ZDBF2: variants seen among roughly 807,000 people sequenced by gnomAD.
ZDBF2 encodes DBF4-type zinc finger-containing protein 2.
ZDBF2 carries 6 observed loss-of-function variants against 9.4 expected under a neutral mutation model. That is an observed-to-expected ratio of 0.64 (90% CI 0.35 to 1.27). The LOEUF is 1.27. ZDBF2 is among the 50% of genes most tolerant of loss of function. ZDBF2 has a pLI of 0.03. For missense variants in ZDBF2, 2,697 were observed against 2,766.8 expected (o/e 0.97, Z 0.57); for synonymous variants, 905 against 946.3 (o/e 0.96, Z 0.80).
chr2:206,307,395 C>T lies in ZDBF2; in HGVS notation c.2867C>T (p.Thr956Ile), dbSNP rs377460663. 1 of 1,612,740 alleles carries T rather than the reference C, an allele frequency of 6.2e-7. No individual in the cohort carries two copies. Among genetic ancestry groups the T allele is most frequent in the African/African-American group, 1.3e-5 (1 of 74,860 alleles). Residue 956 changes from threonine to isoleucine, a missense_variant, in exon 5 of 5, where the codon ACA (threonine) becomes ATA (isoleucine). Thr to Ile is a moderately conservative substitution (Grantham distance 89). This residue lies in a region of ZDBF2 where 1,783 missense variants were observed against 1,776.5 expected (regional missense o/e 1.00). Coordinates refer to ENST00000374423, the MANE Select transcript of ZDBF2 (RefSeq NM_020923.3). ...TTAGAAAATAAGAGTGTTTTTGAAA[C>T]AAGTTTGGATTCTGATGTCCCTCTT... ...MYLENKSVFETSLDSDVPLQA... is the reference protein window; with the variant it reads ...MYLENKSVFEISLDSDVPLQA...
chr2:206,301,806 A>G (rs1574409818), intron 4 of ZDBF2, among the ~76,000 whole-genome samples: 1 of 151,444 alleles, frequency 6.6e-6, no homozygotes, highest in Non-Finnish European at 1.5e-5. Context: ...TATTTCGTCT[A>G]CCTTTTTATG....
In ZDBF2 at chr2:206,308,152, G is replaced by A; in HGVS notation, c.3624G>A (p.Gln1208=). 2 of 1,613,956 alleles carry A rather than the reference G, an allele frequency of 1.2e-6. No homozygotes were observed. The highest frequency in any genetic ancestry group is 1.7e-6 in the Non-Finnish European group (2 of 1,179,850). Residue 1208 remains glutamine, a synonymous_variant, in exon 5 of 5, where the codon CAG becomes CAA. Transcript: ENST00000374423. ...EVSFDSDDPL[Q]SVADRLRETV... ...GTTTTGATTCTGATGACCCTCTTCA[G>A]TCAGTGGCTGACCGGCTGAGAGAAA...
chr2:206,304,057 A>T (rs1007642974), intron 4 of ZDBF2, among the ~76,000 whole-genome samples: 3 of 152,184 alleles, frequency 2.0e-5, no homozygotes, highest in African/African-American at 7.2e-5. Context: ...GAGAAAACCA[A>T]AAGTGGAATT....
intron 3 of ZDBF2, among the ~76,000 whole-genome samples, chr2:206,284,124 CT>C (rs1438728120): frequency 6.6e-6 from 1 of 150,648 alleles, no homozygotes. Flanking sequence ...ACATTTAGGT[CT>C]TTTATCTGTT....
rs1004002037 is a variant in ZDBF2 at position 206,274,943 on chromosome 2, G to A, written c.-106G>A. On this transcript the variant is annotated 5_prime_UTR_variant, in exon 1 of 5. Transcript: ENST00000374423. ...CGGAAGGAATCCGGGCAGCCTCCGCGGAGGTGAGTGCCGCGGCGGGGGCGG... is the reference window on the plus strand; with the variant it reads ...CGGAAGGAATCCGGGCAGCCTCCGCAGAGGTGAGTGCCGCGGCGGGGGCGG... 3.3e-5 allele frequency: 5 copies of A among 150,796 alleles called. No individual in the cohort carries two copies. Among genetic ancestry groups the A allele is most frequent in the African/African-American group, 1.2e-4 (5 of 41,368 alleles). 9.3% of individuals were successfully genotyped at this position (150,796 alleles called of 1,614,324 possible).
rs373924506 is a variant in ZDBF2, at chr2:206,279,494, C to T, written c.-102-46C>T. 41 of 152,216 alleles carry T rather than the reference C, an allele frequency of 2.7e-4. 1 individual carries two copies. Among genetic ancestry groups the T allele is most frequent in the African/African-American group, 9.9e-4 (41 of 41,512 alleles). 9.4% of individuals were successfully genotyped at this position (152,216 alleles called of 1,614,324 possible). On this transcript the variant is annotated intron_variant, in intron 1 of 4. Coordinates refer to ENST00000374423, the MANE Select transcript of ZDBF2 (RefSeq NM_020923.3). ...ATGTATTTATTTGGTCAATGGTAGA[C>T]ACTTATGGGACCTCTTCTAAAAAAT...
intron 1 of ZDBF2, among the ~76,000 whole-genome samples, chr2:206,275,203 C>T (rs1404116088): frequency 6.6e-6 from 1 of 152,148 alleles, no homozygotes; most frequent in Non-Finnish European, 1.5e-5. Context: ...CTGCATTGCG[C>T]TTCTGTCCGG....
chr2:206,304,688 G>A lies in ZDBF2; in HGVS notation c.189-29G>A, dbSNP rs768042985. 6.4e-6 allele frequency: 10 copies of A among 1,569,642 alleles called. No individual in the cohort carries two copies. The East Asian group carries it at 2.0e-4, about 32-fold the overall frequency. ...ATATTTTAAACAGACATTAGAATAT[G>A]TTTATGAGTTTCCCCCCTTTCGTTT... On this transcript the variant is annotated intron_variant, in intron 4 of 4. Transcript: ENST00000374423.
intron 3 of ZDBF2, among the ~76,000 whole-genome samples, chr2:206,291,184 G>A (rs1691875155): frequency 6.6e-6 from 1 of 152,172 alleles, no homozygotes. Context: ...ACCAGGGACT[G>A]GTTTCGTGGA....
At chr2:206,295,363 C>CTTTTTTTTTT (rs571707187) in intron 3 of ZDBF2, among the ~76,000 whole-genome samples, 42 of 110,944 alleles carry the variant, frequency 3.8e-4, no homozygotes, top group African/African-American at 4.7e-4. Flanking sequence ...CTTTTCTTTT[C>CTTTTTTTTTT]TTTTTTTTTT....
intron 2 of ZDBF2, among the ~76,000 whole-genome samples, chr2:206,280,178 A>G (rs1449712024): frequency 6.6e-6 from 1 of 152,170 alleles, no homozygotes; most frequent in South Asian, 2.1e-4. Context: ...TGATTTGCTA[A>G]GTTTCTGATG....
Position 206,274,787 on chromosome 2 carries a change from C to G in ZDBF2, c.-262C>G, listed in dbSNP as rs1168918226. The G allele has an allele frequency of 6.6e-6, 1 of 152,186 alleles. No homozygotes were observed. Among genetic ancestry groups the G allele is most frequent in the Non-Finnish European group, 1.5e-5 (1 of 68,028 alleles). The allele number at this position is 152,186 out of a possible 1,614,324, so 9.4% of individuals were successfully genotyped here. On this transcript the variant is annotated 5_prime_UTR_variant, in exon 1 of 5. Transcript: ENST00000374423. ...CTTCTCGCCTCCGGACCGCAGGGGC[C>G]GAAGTCGCCTATTTCTGGCTCCGCG...
In ZDBF2 at chr2:206,281,873, C is replaced by T. The variant is rs1230640394; in HGVS notation, c.24C>T (p.Cys8=). 6.2e-7 allele frequency: 1 copy of T among 1,613,354 alleles called. No homozygotes were observed. The highest frequency in any genetic ancestry group is 1.1e-5 in the South Asian group (1 of 90,984). ...AGATGCAGAAAAGACAAGGATATTG[C>T]AGTTATTGCCGTGTGCAGTATAATA... MQKRQGY[C]SYCRVQYNNL... The change falls in exon 3 of 5, where the codon TGC becomes TGT. Residue 8 remains cysteine, a synonymous_variant. Transcript: ENST00000374423.
Position 206,311,279 on chromosome 2 carries a change from A to T in ZDBF2, c.6751A>T (p.Lys2251Ter), listed in dbSNP as rs777829318. 6.2e-7 allele frequency: 1 copy of T among 1,609,418 alleles called. No individual in the cohort carries two copies. The highest frequency in any genetic ancestry group is 8.5e-7 in the Non-Finnish European group (1 of 1,177,298). ...RSAFLGRYLK[K>*]KKSVVSRLKK... is the part of the protein sequence containing the mutation. ...CGCTTTTCTTGGAAGGTATCTGAAG[A>T]AGAAAAAATCTGTTGTCAGTAGGCT... The change falls in exon 5 of 5, where the codon AAG (lysine) becomes TAG (stop). Residue 2251 changes from lysine (K) to a stop codon, truncating the protein, a stop_gained. Transcript: ENST00000374423. LOFTEE classifies it low-confidence loss of function (END_TRUNC).
Position 206,304,945 on chromosome 2 carries a change from A to G in ZDBF2, c.417A>G (p.Gln139=), listed in dbSNP as rs773440117. The change falls in exon 5 of 5, where the codon CAA becomes CAG. Residue 139 remains glutamine, a synonymous_variant. Coordinates refer to ENST00000374423, the MANE Select transcript of ZDBF2 (RefSeq NM_020923.3). ...QEVSVRPSVI[Q]KLEKGQQQPL... ...TTTCAGTTCGACCATCAGTTATTCA[A>G]AAACTGGAGAAGGGACAGCAGCAGC... 1.2e-6 allele frequency: 2 copies of G among 1,613,650 alleles called. No homozygotes were observed. The highest frequency in any genetic ancestry group is 3.3e-5 in the Admixed American group (2 of 59,896).
In ZDBF2 at chr2:206,303,226, C is replaced by CTT. The variant is rs200331186; in HGVS notation, c.189-1475_189-1474dup. On this transcript the variant is annotated intron_variant, in intron 4 of 4. Coordinates refer to ENST00000374423, the MANE Select transcript of ZDBF2 (RefSeq NM_020923.3). ...TCCCTCTTGGCTGTGACAGTTTAAT[C>CTT]TTTTTTTTTTTTTTTTTAAACAGGT... Among the ~76,000 whole-genome samples, 33 of 132,086 alleles carry CTT rather than the reference C, an allele frequency of 2.5e-4. 1 individual carries two copies. In the East Asian group the frequency reaches 5.9e-3, roughly 24 times the overall value. 86.7% of individuals were successfully genotyped at this position (132,086 alleles called of 152,430 possible). A position where few individuals can be genotyped will look rare whatever the true frequency, so the allele number is the denominator to read the frequency against.
rs1250305744 is a variant in ZDBF2, at chr2:206,309,237, T to C, written c.4709T>C (p.Ile1570Thr). ...TGTATAAATACAGAATGTATTGATA[T>C]AGAAGATAAGAGCTGTGACTTTTTT... ...ISCINTECID[I>T]EDKSCDFFGS... The change falls in exon 5 of 5, where the codon ATA becomes ACA. Residue 1570 changes from isoleucine (I) to threonine (T), a missense_variant. This residue lies in a region of ZDBF2 where 1,783 missense variants were observed against 1,776.5 expected (regional missense o/e 1.00). Transcript: ENST00000374423. 3.7e-6 allele frequency: 6 copies of C among 1,607,672 alleles called. No homozygotes were observed. The highest frequency in any genetic ancestry group is 2.2e-5 in the East Asian group (1 of 44,770).
At chr2:206,288,707 C>T (rs1487486238) in intron 3 of ZDBF2, among the ~76,000 whole-genome samples, 8 of 152,088 alleles carry the variant, frequency 5.3e-5, no homozygotes, top group Non-Finnish European at 7.4e-5. Flanking sequence ...TAGGCACCCC[C>T]TAGTAGCTGG....
Position 206,311,282 on chromosome 2 carries a change from A to T in ZDBF2, c.6754A>T (p.Lys2252Ter). 6.2e-7 allele frequency: 1 copy of T among 1,609,030 alleles called. No homozygotes were observed. The highest frequency in any genetic ancestry group is 8.5e-7 in the Non-Finnish European group (1 of 1,177,110). The change falls in exon 5 of 5, where the codon AAA becomes TAA. Residue 2252 changes from lysine (K) to a stop codon, truncating the protein, a stop_gained. Transcript: ENST00000374423. LOFTEE classifies it low-confidence loss of function (END_TRUNC). ...SAFLGRYLKK[K>*]KSVVSRLKKA... ...TTTTCTTGGAAGGTATCTGAAGAAG[A>T]AAAAATCTGTTGTCAGTAGGCTAAA...
Sources: gnomAD v4.1 joint callset for allele counts (sites outside exome capture counted in the v4.1 genomes callset) on GRCh38, gnomAD v4.1.1 for gene constraint, gnomAD v4.1.1 regional missense constraint, MANE v1.5 for transcripts, NCBI Gene and HGNC (gene_info 2026-07-23, HGNC 2026-07-21) for gene names.